Variants in NEK10 observed in about 807,000 individuals in gnomAD.
NEK10 encodes NIMA related kinase 10.
In NEK10, 122 loss-of-function variants were observed where a neutral mutation model predicts 159.8. The observed-to-expected ratio is 0.76, with a 90% confidence interval of 0.66 to 0.89. The LOEUF (loss-of-function observed/expected upper bound fraction) is 0.89. NEK10 is among the 40% of genes least tolerant of loss of function. NEK10 has a pLI of 0.00. For synonymous variants in NEK10, 466 were observed against 457.1 expected, an observed-to-expected ratio of 1.02 and a Z score of -0.25; for missense variants, 1,342 against 1,323.1, an observed-to-expected ratio of 1.01 and a Z score of -0.22.
chr3:27,244,789 G>A (rs1047151605), intron 23 of NEK10, among the ~76,000 whole-genome samples: 2 of 152,022 alleles, frequency 1.3e-5, no homozygotes, highest in Admixed American at 1.3e-4. Flanking sequence ...ACTCTGAAGG[G>A]CACCTGTGGC....
intron 23 of NEK10, among the ~76,000 whole-genome samples, chr3:27,229,632 A>T (rs1953019178): frequency 1.3e-5 from 2 of 152,172 alleles, no homozygotes. Context: ...AATCTAGGAA[A>T]TGAATAAAAA....
chr3:27,130,053 G>A (rs1008306201), intron 32 of NEK10, among the ~76,000 whole-genome samples: 12 of 152,212 alleles, frequency 7.9e-5, no homozygotes, highest in Admixed American at 4.6e-4. Context: ...GGGAGATGGC[G>A]CAAGCCTGAA....
intron 23 of NEK10, among the ~76,000 whole-genome samples, chr3:27,214,251 T>C (rs1176687734): frequency 6.6e-6 from 1 of 152,230 alleles, no homozygotes; most frequent in Non-Finnish European, 1.5e-5. Flanking sequence ...AAAACCAAGC[T>C]GTAACCCAAC....
rs1939484952 is a variant in NEK10, at chr3:27,111,215, G to A, written c.*57C>T. On this transcript the variant is annotated 3_prime_UTR_variant, in exon 36 of 36. Transcript: ENST00000691995. ...CCTTGGGCATCTTGCAATAGCGGCT[G>A]AAGTCCAGAACTTGAACTTCACTGA... The A allele has an allele frequency of 1.3e-6, 2 of 1,522,652 alleles. No homozygotes were observed. Among genetic ancestry groups the A allele is most frequent in the Non-Finnish European group, 1.8e-6 (2 of 1,101,318 alleles). 94.3% of individuals were successfully genotyped at this position (1,522,652 alleles called of 1,614,324 possible). A position where few individuals can be genotyped will look rare whatever the true frequency, so the allele number is the denominator to read the frequency against.
intron 25 of NEK10, among the ~76,000 whole-genome samples, chr3:27,196,265 C>T (rs1434584589): frequency 3.3e-5 from 5 of 152,176 alleles, no homozygotes; most frequent in African/African-American, 7.2e-5. Flanking sequence ...CAATTGATCA[C>T]GATCCTTTCA....
intron 7 of NEK10, among the ~76,000 whole-genome samples, chr3:27,314,096 A>G (rs557626445): frequency 1.3e-5 from 2 of 152,274 alleles, no homozygotes; most frequent in African/African-American, 4.8e-5. Flanking sequence ...AGTGAGCCCA[A>G]TTAGCCAGAA....
At chr3:27,247,004 G>T (rs1955138324) in intron 23 of NEK10, among the ~76,000 whole-genome samples, 1 of 152,106 alleles carries the variant, frequency 6.6e-6, no homozygotes, top group African/African-American at 2.4e-5. Flanking sequence ...TTTTTTGGTG[G>T]AGTCGTCAGG....
rs143900455 is a variant in NEK10, at chr3:27,149,755, A to C, written c.2870-8173T>G. Among the ~76,000 whole-genome samples, 34 of 152,310 alleles carry C rather than the reference A, an allele frequency of 2.2e-4. No individual in the cohort carries two copies. In the East Asian group the frequency reaches 6.6e-3, roughly 29 times the overall value. ...ATCCTACAATGGCCTCTAATTGTTCAAGTGGAAAAAAGAGTCACATGTCTC... is the reference window on the plus strand; with the variant it reads ...ATCCTACAATGGCCTCTAATTGTTCCAGTGGAAAAAAGAGTCACATGTCTC... On this transcript the variant is annotated intron_variant, in intron 30 of 35. Coordinates refer to ENST00000691995, the MANE Select transcript of NEK10 (RefSeq NM_001394966.1).
At chr3:27,183,420 T>C (rs1343540181) in intron 26 of NEK10, among the ~76,000 whole-genome samples, 1 of 147,662 alleles carries the variant, frequency 6.8e-6, no homozygotes, top group Non-Finnish European at 1.5e-5. Context: ...AAAAAGTCAA[T>C]CTCCTCATTA....
intron 5 of NEK10, among the ~76,000 whole-genome samples, chr3:27,322,650 T>G (rs2045730489): frequency 6.6e-6 from 1 of 152,258 alleles, no homozygotes; most frequent in Non-Finnish European, 1.5e-5. Flanking sequence ...AAGATTATTT[T>G]CATAACCACA....
At chr3:27,236,246 A>G (rs563197634) in intron 23 of NEK10, among the ~76,000 whole-genome samples, 1 of 152,228 alleles carries the variant, frequency 6.6e-6, no homozygotes, top group African/African-American at 2.4e-5. Flanking sequence ...ATAACTAACA[A>G]TGTAACAAAC....
Position 27,107,698 on chromosome 3 carries a change from G to A in NEK10, c.*3574C>T, listed in dbSNP as rs1939134999. 1.3e-5 allele frequency among the ~76,000 whole-genome samples: 2 copies of A among 152,228 alleles called. No homozygotes were observed. The highest frequency in any genetic ancestry group is 1.3e-4 in the Admixed American group (2 of 15,296). On this transcript the variant is annotated 3_prime_UTR_variant, in exon 36 of 36. Transcript: ENST00000691995. ...AGCCCTTCATAGCTGTAACTCCAGGGTGCCAAGAAGCTGTTTCAGATAGAT... is the reference window on the plus strand; with the variant it reads ...AGCCCTTCATAGCTGTAACTCCAGGATGCCAAGAAGCTGTTTCAGATAGAT...
chr3:27,300,082 C>T (rs143820912), intron 13 of NEK10, among the ~76,000 whole-genome samples: 12 of 152,022 alleles, frequency 7.9e-5, no homozygotes, highest in South Asian at 2.1e-4. Context: ...TGGGAGGGGC[C>T]GGGAGCAAAA....
chr3:27,338,245 C>T (rs890321751), intron 5 of NEK10, among the ~76,000 whole-genome samples: 3 of 152,134 alleles, frequency 2.0e-5, no homozygotes, highest in Non-Finnish European at 4.4e-5. Flanking sequence ...GCTTCATCCA[C>T]GTCCCTGCAA....
intron 30 of NEK10, among the ~76,000 whole-genome samples, chr3:27,146,876 A>T (rs964817941): frequency 6.6e-6 from 1 of 152,210 alleles, no homozygotes; most frequent in Non-Finnish European, 1.5e-5. Flanking sequence ...CAGCTAAGTG[A>T]GGGCTGCAAC....
At chr3:27,231,187 C>A (rs1214108187) in intron 23 of NEK10, among the ~76,000 whole-genome samples, 2 of 151,736 alleles carry the variant, frequency 1.3e-5, no homozygotes, top group African/African-American at 4.8e-5. Flanking sequence ...GTGGAATAAA[C>A]CTGGAAATCA....
intron 23 of NEK10, 64 bp from the exon 24 acceptor site, chr3:27,202,621 T>C (rs1950154808): frequency 2.1e-6 from 3 of 1,399,692 alleles, no homozygotes; most frequent in Admixed American, 4.9e-5. Context: ...AAAGATCCAA[T>C]TTTCAAGCTT....
At chr3:27,191,448 T>C (rs1421993426) in intron 26 of NEK10, among the ~76,000 whole-genome samples, 2 of 152,224 alleles carry the variant, frequency 1.3e-5, no homozygotes, top group East Asian at 1.9e-4. Flanking sequence ...ACTGGCACCA[T>C]TGCTTGCACA....
intron 31 of NEK10, among the ~76,000 whole-genome samples, chr3:27,134,409 G>A (rs963476961): frequency 6.6e-6 from 1 of 152,192 alleles, no homozygotes; most frequent in Non-Finnish European, 1.5e-5. Context: ...CTGCTGCCCA[G>A]CTGACTGCAA....
Sources: allele counts gnomAD v4.1 joint callset (sites outside exome capture counted in the v4.1 genomes callset), GRCh38; gene constraint gnomAD v4.1.1; transcripts MANE v1.5; gene names NCBI Gene and HGNC (gene_info 2026-07-23, HGNC 2026-07-21).